The following SMTNL2 variants were observed in gnomAD, a reference collection of about 807,000 sequenced individuals.
The protein encoded by SMTNL2 is smoothelin-like protein 2.
SMTNL2 carries 43 observed loss-of-function variants against 44.1 expected under a neutral mutation model. The ratio of observed to expected loss-of-function variants is 0.98; its 90% CI spans 0.76 to 1.26. The LOEUF is 1.26. SMTNL2 is among the 50% of genes most tolerant of loss of function. The probability of loss-of-function intolerance (pLI) is 0.00; values close to 1 mark genes in which losing one functional copy is unlikely to be tolerated. For missense variants in SMTNL2, 646 were observed against 670.2 expected (o/e 0.96, Z 0.40); for synonymous variants, 317 against 287.6 (o/e 1.10, Z -1.03).
At position 4,600,785 on chromosome 17, in the gene SMTNL2, C is replaced by T. The variant is rs923884198; in HGVS notation, c.1259+3462C>T. ...ACCTCTGCAGAGGCCCAGTGCAGGACGTGCAGCCCCAGGCTTCCCGCTTGC... is the reference window on the plus strand; with the variant it reads ...ACCTCTGCAGAGGCCCAGTGCAGGATGTGCAGCCCCAGGCTTCCCGCTTGC... On this transcript the variant is annotated intron_variant, in intron 7 of 7. Coordinates refer to ENST00000389313, the MANE Select transcript of SMTNL2 (RefSeq NM_001114974.2). This position sits in a 1 kb window ranked among gnomAD's most constrained non-coding sequence, Gnocchi z 4.7. 2.0e-5 allele frequency among the ~76,000 whole-genome samples: 3 copies of T among 152,168 alleles called. No homozygotes were observed. Among genetic ancestry groups the T allele is most frequent in the Non-Finnish European group, 4.4e-5 (3 of 68,028 alleles).
intron 7 of SMTNL2, among the ~76,000 whole-genome samples, chr17:4,602,612 G>T (rs988651333): frequency 1.7e-4 from 26 of 151,638 alleles, no homozygotes; most frequent in Non-Finnish European, 2.9e-4. Flanking sequence ...CTTGAGCCAC[G>T]GCACCTAGCT....
intron 7 of SMTNL2, among the ~76,000 whole-genome samples, chr17:4,603,351 G>A: frequency 6.6e-6 from 1 of 152,124 alleles, no homozygotes; most frequent in East Asian, 1.9e-4. Context: ...GAAGGGTTCT[G>A]ACATGGGGGA....
At chr17:4,591,726 C>T (rs1003549160) in intron 1 of SMTNL2, among the ~76,000 whole-genome samples, 2 of 152,200 alleles carry the variant, frequency 1.3e-5, no homozygotes, top group African/African-American at 4.8e-5. Flanking sequence ...GCAGCACAGC[C>T]TGGATCCCAG....
chr17:4,596,953 C>A lies in SMTNL2; in HGVS notation c.1083C>A (p.Cys361Ter), dbSNP rs1909843070. The change falls in exon 6 of 8, where the codon TGC (cysteine) becomes TGA (stop). Residue 361 changes from cysteine to a stop codon, truncating the protein, a stop_gained. Coordinates refer to ENST00000389313, the MANE Select transcript of SMTNL2 (RefSeq NM_001114974.2). LOFTEE classifies it high-confidence loss of function. ...TCAAGCAGATCCTGCTCGAGTGGTG[C>A]CGCAGCAAGACGCTGGGCTACCAGG... ...SSIKQILLEWCRSKTLGYQHV... is the reference protein window; with the variant it reads ...SSIKQILLEW The A allele has an allele frequency of 6.6e-7, 1 of 1,522,548 alleles. No individual in the cohort carries two copies. The highest frequency in any genetic ancestry group is 2.5e-5 in the East Asian group (1 of 40,278). The allele number at this position is 1,522,548 out of a possible 1,614,324, so 94.3% of individuals were successfully genotyped here.
At chr17:4,601,689 AT>A (rs5818969) in intron 7 of SMTNL2, among the ~76,000 whole-genome samples, 43,090 of 144,472 alleles carry the variant, frequency 0.3, 6,800 homozygotes, top group East Asian at 0.72. Flanking sequence ...ACACTTGGCT[AT>A]TTTTTTTTTT....
Position 4,607,270 on chromosome 17 carries a change from C to T in SMTNL2, c.1260-91C>T. ...GGAACCTCTGGCTGCCGGCTGAGCTCTGTTCCCGGGACCGAGACACCGGCC... is the reference window on the plus strand; with the variant it reads ...GGAACCTCTGGCTGCCGGCTGAGCTTTGTTCCCGGGACCGAGACACCGGCC... On this transcript the variant is annotated intron_variant, in intron 7 of 7. Coordinates refer to ENST00000389313, the MANE Select transcript of SMTNL2 (RefSeq NM_001114974.2). The surrounding 1 kb of genome is among the most constrained non-coding windows in gnomAD (Gnocchi z 4.7). 1 of 1,580,250 alleles carries T rather than the reference C, an allele frequency of 6.3e-7. No homozygotes were observed. The highest frequency in any genetic ancestry group is 1.3e-5 in the African/African-American group (1 of 74,476).
chr17:4,584,498 G>A (rs1597406464), upstream of SMTNL2: 8 of 1,166,904 alleles, frequency 6.9e-6, no homozygotes, highest in East Asian at 2.1e-4. Flanking sequence ...CTCCCCGGCA[G>A]CCCCTCGAGC....
At chr17:4,591,543 G>A (rs962068645) in intron 1 of SMTNL2, among the ~76,000 whole-genome samples, 5 of 152,382 alleles carry the variant, frequency 3.3e-5, no homozygotes, top group African/African-American at 1.2e-4. Flanking sequence ...ACCTACCGGG[G>A]AGGACAGTTG....
At chr17:4,597,003 C>T (rs1428011578) in intron 6 of SMTNL2, 26 bp downstream of exon 6, 1 of 1,482,346 alleles carries the variant, frequency 6.7e-7, no homozygotes, top group African/African-American at 1.4e-5. Context: ...CCTCCGGCTG[C>T]TGGGACGCCC....
chr17:4,604,546 G>T (rs1910188887), intron 7 of SMTNL2, among the ~76,000 whole-genome samples: 1 of 152,206 alleles, frequency 6.6e-6, no homozygotes, highest in Non-Finnish European at 1.5e-5. Context: ...GGTCAGAGGA[G>T]TCTTGCTCGC....
chr17:4,598,621 C>T lies in SMTNL2; in HGVS notation c.1259+1298C>T, dbSNP rs778146694. Among the ~76,000 whole-genome samples, 9 of 152,008 alleles carry T rather than the reference C, an allele frequency of 5.9e-5. No homozygotes were observed. The highest frequency in any genetic ancestry group is 1.2e-4 in the Non-Finnish European group (8 of 67,976). On this transcript the variant is annotated intron_variant, in intron 7 of 7. Transcript: ENST00000389313. The surrounding 1 kb of genome is among the most constrained non-coding windows in gnomAD (Gnocchi z 4.8). ...GGTGGATTGCCTGAGCTCAGGAGTT[C>T]GAGACCAGCTTGGGCAACACGGCGA...
rs199790658 is a variant in SMTNL2, at chr17:4,592,365, T to C, written c.404T>C (p.Leu135Ser). 1,106 of 1,613,536 alleles carry C rather than the reference T, an allele frequency of 6.9e-4. 4 individuals carry two copies. The highest frequency in any genetic ancestry group is 8.6e-4 in the Non-Finnish European group (1,011 of 1,179,948). The change falls in exon 2 of 8, where the codon TTG (leucine) becomes TCG (serine). Residue 135 changes from leucine to serine, a missense_variant. By Grantham distance (145) the Leu-to-Ser change is moderately radical (BLOSUM62 -2). Coordinates refer to ENST00000389313, the MANE Select transcript of SMTNL2 (RefSeq NM_001114974.2). The surrounding 1 kb of genome is among the most constrained non-coding windows in gnomAD (Gnocchi z 4.5). ...GTGACATTTGTGTCTCTGTAGAGTT[T>C]GGATCACGATGAGGCCAGTGAGTCG... ...TFSLSGRGQS[L>S]DHDEASESEM...
chr17:4,598,861 G>T lies in SMTNL2; in HGVS notation c.1259+1538G>T, dbSNP rs992687517. Among the ~76,000 whole-genome samples the T allele has an allele frequency of 1.3e-5, 2 of 151,702 alleles. No homozygotes were observed. The highest frequency in any genetic ancestry group is 3.2e-3 in the Middle Eastern group (1 of 314). On this transcript the variant is annotated intron_variant, in intron 7 of 7. Transcript: ENST00000389313. This position sits in a 1 kb window ranked among gnomAD's most constrained non-coding sequence, Gnocchi z 4.8. ...AAAAGTGGTCCTCATGGGCTTGTTGGGTTAAAGGAGCCTCACCCCAGGCCT... is the reference window on the plus strand; with the variant it reads ...AAAAGTGGTCCTCATGGGCTTGTTGTGTTAAAGGAGCCTCACCCCAGGCCT...
chr17:4,593,740 G>A, intron 3 of SMTNL2, 82 bp from the exon 4 acceptor site: 1 of 1,409,240 alleles, frequency 7.1e-7, no homozygotes, highest in Non-Finnish European at 9.9e-7. Context: ...AAATGAGGCA[G>A]GGCTGGGTCA....
rs1200253227 is a variant in SMTNL2 at position 4,592,492 on chromosome 17, G to T, written c.487+44G>T. The T allele has an allele frequency of 6.4e-7, 1 of 1,567,992 alleles. No individual in the cohort carries two copies. Among genetic ancestry groups the T allele is most frequent in the African/African-American group, 1.4e-5 (1 of 73,886 alleles). On this transcript the variant is annotated intron_variant, in intron 2 of 7. Coordinates refer to ENST00000389313, the MANE Select transcript of SMTNL2 (RefSeq NM_001114974.2). The surrounding 1 kb of genome is among the most constrained non-coding windows in gnomAD (Gnocchi z 4.5). ...GAGGGGTGGCTGGGTAGGTTTGGGG[G>T]TTAAGTAAGGCCTTGGTCAGGTATC...
At chr17:4,594,528 G>A (rs1341692810) in intron 4 of SMTNL2, among the ~76,000 whole-genome samples, 5 of 152,042 alleles carry the variant, frequency 3.3e-5, no homozygotes, top group Admixed American at 2.6e-4. Flanking sequence ...GCCGGCAGGA[G>A]GGAGAGGACA....
chr17:4,601,870 GT>G (rs905027316), intron 7 of SMTNL2, among the ~76,000 whole-genome samples: 11 of 148,518 alleles, frequency 7.4e-5, no homozygotes, highest in East Asian at 2.0e-4. Context: ...AGCAGTTGTT[GT>G]TTTTTTTTTA....
chr17:4,601,997 C>G (rs1017770408), intron 7 of SMTNL2, among the ~76,000 whole-genome samples: 1 of 152,052 alleles, frequency 6.6e-6, no homozygotes, highest in Non-Finnish European at 1.5e-5. Flanking sequence ...CAGCCTATGT[C>G]TGCAGCTTCC....
intron 1 of SMTNL2, among the ~76,000 whole-genome samples, chr17:4,590,494 T>G (rs1909528651): frequency 6.6e-6 from 1 of 152,124 alleles, no homozygotes; most frequent in African/African-American, 2.4e-5. Flanking sequence ...GTCCTTCTTT[T>G]CTCTTAAACT....
Sources: gnomAD v4.1 joint callset for allele counts (sites outside exome capture counted in the v4.1 genomes callset) on GRCh38, gnomAD v4.1.1 for gene constraint, Gnocchi (gnomAD v3.1) non-coding constraint, MANE v1.5 for transcripts, NCBI Gene and HGNC (gene_info 2026-07-23, HGNC 2026-07-21) for gene names.